SLC24A2: variants seen among roughly 807,000 people sequenced by gnomAD.
SLC24A2 encodes solute carrier family 24 member 2.
In SLC24A2, 36 loss-of-function variants were observed where a neutral mutation model predicts 62.0. The ratio of observed to expected loss-of-function variants is 0.58; its 90% CI spans 0.44 to 0.77. The LOEUF (loss-of-function observed/expected upper bound fraction) is 0.77, where lower values mean the gene tolerates loss of function less well. Among genes scored for constraint, SLC24A2 ranks in the 30% least tolerant of loss-of-function variants. The pLI is 0.00. For synonymous variants in SLC24A2, 358 were observed against 294.0 expected (o/e 1.22, Z -2.23); for missense variants, 846 against 817.9 (o/e 1.03, Z -0.42).
the SLC24A2 span, among the ~76,000 whole-genome samples, chr9:19,854,406 T>C: frequency 2.6e-5 from 4 of 152,190 alleles, no homozygotes; most frequent in Non-Finnish European, 5.9e-5. Flanking sequence ...TTTGAGATCT[T>C]TCTGGCTTTT....
chr9:20,071,202 T>G, the SLC24A2 span, among the ~76,000 whole-genome samples: 3 of 152,300 alleles, frequency 2.0e-5, no homozygotes, highest in African/African-American at 7.2e-5. Context: ...TAAGCTTCTT[T>G]TCTTTATAAA....
chr9:20,079,744 T>C, the SLC24A2 span, among the ~76,000 whole-genome samples: 1 of 152,170 alleles, frequency 6.6e-6, no homozygotes, highest in South Asian at 2.1e-4. Flanking sequence ...CTGTTAGTGG[T>C]GTATAAGAAT....
intron 8 of SLC24A2, among the ~76,000 whole-genome samples, chr9:19,530,950 AAAG>A (rs766372348): frequency 2.0e-5 from 3 of 152,122 alleles, no homozygotes; most frequent in Non-Finnish European, 4.4e-5. Context: ...ACTCTTTCCT[AAAG>A]AAAAACAGGG....
the SLC24A2 span, among the ~76,000 whole-genome samples, chr9:20,234,193 C>T: frequency 2.0e-5 from 3 of 152,114 alleles, no homozygotes; most frequent in Admixed American, 6.5e-5. Context: ...GTGAATCTGA[C>T]AATTATGTGT....
the SLC24A2 span, among the ~76,000 whole-genome samples, chr9:20,305,904 C>A: frequency 9.2e-5 from 14 of 152,228 alleles, no homozygotes; most frequent in African/African-American, 3.1e-4. Context: ...CTTCAGAGGC[C>A]TCTCTCCTTG....
At chr9:20,120,601 T>C in the SLC24A2 span, among the ~76,000 whole-genome samples, 4 of 152,182 alleles carry the variant, frequency 2.6e-5, no homozygotes, top group Non-Finnish European at 4.4e-5. Flanking sequence ...TATTGAGTAC[T>C]ATGTTGATTA....
the SLC24A2 span, among the ~76,000 whole-genome samples, chr9:20,046,717 G>C: frequency 6.6e-6 from 1 of 152,184 alleles, no homozygotes; most frequent in Non-Finnish European, 1.5e-5. Context: ...AACCTACTCT[G>C]TGGTGGGACA....
chr9:19,586,012 ATCC>A (rs1465554029), intron 5 of SLC24A2, among the ~76,000 whole-genome samples: 1 of 152,196 alleles, frequency 6.6e-6, no homozygotes, highest in East Asian at 1.9e-4. Flanking sequence ...CATCTCCTGC[ATCC>A]TCCTGATTTA....
chr9:19,565,657 G>A (rs1166784462), intron 7 of SLC24A2, among the ~76,000 whole-genome samples: 2 of 152,118 alleles, frequency 1.3e-5, no homozygotes, highest in Non-Finnish European at 2.9e-5. Flanking sequence ...AGATTGCCAA[G>A]ATAATCCTAA....
At chr9:19,954,009 C>T in the SLC24A2 span, among the ~76,000 whole-genome samples, 33 of 151,752 alleles carry the variant, frequency 2.2e-4, no homozygotes, top group African/African-American at 6.3e-4. Context: ...ATTAGTTCAC[C>T]GTAGTTCCCT....
At chr9:19,658,810 A>T (rs1482124451) in intron 2 of SLC24A2, among the ~76,000 whole-genome samples, 1 of 152,118 alleles carries the variant, frequency 6.6e-6, no homozygotes, top group African/African-American at 2.4e-5. Flanking sequence ...TTCTGTCTAG[A>T]TGTAAAAGGC....
At chr9:19,524,418 C>CAAAAAAAA (rs34416897) in intron 9 of SLC24A2, among the ~76,000 whole-genome samples, 3 of 119,054 alleles carry the variant, frequency 2.5e-5, no homozygotes, top group African/African-American at 6.2e-5. Flanking sequence ...AAGATAAAGG[C>CAAAAAAAA]AAAAAAAAAA....
At chr9:20,263,967 T>C in the SLC24A2 span, among the ~76,000 whole-genome samples, 1 of 151,020 alleles carries the variant, frequency 6.6e-6, no homozygotes, top group Non-Finnish European at 1.5e-5. Flanking sequence ...TTGGATGGTT[T>C]CCTTTCTTGC....
chr9:19,807,406 T>C, the SLC24A2 span, among the ~76,000 whole-genome samples: 1 of 152,378 alleles, frequency 6.6e-6, no homozygotes, highest in South Asian at 2.1e-4. Flanking sequence ...TTATTTTGCT[T>C]TTCTCACATC....
chr9:19,661,083 A>ATT (rs1819085045), intron 2 of SLC24A2, among the ~76,000 whole-genome samples: 1 of 152,046 alleles, frequency 6.6e-6, no homozygotes, highest in Non-Finnish European at 1.5e-5. Context: ...TGCATATAGG[A>ATT]TTTATTGCTT....
the SLC24A2 span, among the ~76,000 whole-genome samples, chr9:20,224,322 C>T: frequency 6.6e-6 from 1 of 151,812 alleles, no homozygotes; most frequent in Admixed American, 6.6e-5. Context: ...AAGGAAATCT[C>T]ACTGAGCCAC....
At chr9:19,848,478 G>C in the SLC24A2 span, among the ~76,000 whole-genome samples, 3 of 152,138 alleles carry the variant, frequency 2.0e-5, no homozygotes, top group Admixed American at 6.5e-5. Context: ...ACATATAGCA[G>C]TGTACGTAAC....
At chr9:20,098,957 A>G in the SLC24A2 span, among the ~76,000 whole-genome samples, 1 of 152,214 alleles carries the variant, frequency 6.6e-6, no homozygotes, top group Non-Finnish European at 1.5e-5. Flanking sequence ...TAGGATATAC[A>G]CAACTTACTG....
chr9:20,177,530 G>C, the SLC24A2 span, among the ~76,000 whole-genome samples: 3 of 152,088 alleles, frequency 2.0e-5, no homozygotes, highest in East Asian at 5.8e-4. Flanking sequence ...GACCCCGTTA[G>C]ATGATCTGAT....
Sources: allele counts gnomAD v4.1 joint callset (sites outside exome capture counted in the v4.1 genomes callset), GRCh38; gene constraint gnomAD v4.1.1; transcripts MANE v1.5; gene names NCBI Gene and HGNC (gene_info 2026-07-23, HGNC 2026-07-21).